Variants in PPP6R2 observed in about 807,000 individuals in gnomAD.
The protein encoded by PPP6R2 is protein phosphatase 6 regulatory subunit 2, also known as serine/threonine-protein phosphatase 6 regulatory subunit 2.
In PPP6R2, 62 loss-of-function variants were observed where a neutral mutation model predicts 100.2. The observed-to-expected ratio is 0.62, with a 90% CI of 0.50 to 0.76. The LOEUF is 0.76. Among genes scored for constraint, PPP6R2 ranks in the 30% least tolerant of loss-of-function variants. The pLI, the probability that PPP6R2 is intolerant of heterozygous loss-of-function variation, is 0.00. For missense variants in PPP6R2, 1,142 were observed against 1,276.3 expected (o/e 0.89, Z 1.60); for synonymous variants, 525 against 514.7 (o/e 1.02, Z -0.27).
chr22:50,418,752 A>G (rs1227778472), intron 6 of PPP6R2, 115 bp from the exon 7 acceptor site: 3 of 791,214 alleles, frequency 3.8e-6, no homozygotes, highest in African/African-American at 3.4e-5. Flanking sequence ...AACAACAACG[A>G]AAGTCTAGCA....
the PPP6R2 span, among the ~76,000 whole-genome samples, chr22:50,331,113 AT>A: frequency 6.6e-6 from 1 of 152,080 alleles, no homozygotes; most frequent in Non-Finnish European, 1.5e-5. Flanking sequence ...GCCTCACGTT[AT>A]GTTTTTGAGG....
At chr22:50,333,623 C>T in the PPP6R2 span, among the ~76,000 whole-genome samples, 5 of 152,316 alleles carry the variant, frequency 3.3e-5, no homozygotes, top group African/African-American at 9.6e-5. Context: ...TGAGCCACCG[C>T]GCCTGGCCCC....
the PPP6R2 span, among the ~76,000 whole-genome samples, chr22:50,331,446 C>T: frequency 1.3e-5 from 2 of 152,060 alleles, no homozygotes; most frequent in Non-Finnish European, 1.5e-5. Flanking sequence ...CCACATCCTC[C>T]CCAACGCTTA....
chr22:50,397,302 A>G (rs72490268), intron 3 of PPP6R2, among the ~76,000 whole-genome samples: 19,336 of 152,098 alleles, frequency 0.13, 1,563 homozygotes, highest in East Asian at 0.42. Flanking sequence ...TGAGTAAACA[A>G]TCCAGGTCAG....
intron 21 of PPP6R2, 159 bp from the exon 22 acceptor site, chr22:50,440,663 A>T: frequency 1.3e-6 from 1 of 783,428 alleles, no homozygotes; most frequent in Non-Finnish European, 2.1e-6. Flanking sequence ...CAGGTGCGTG[A>T]GCCTGTCTGC....
At position 50,423,785 on chromosome 22, in the gene PPP6R2, G is replaced by A. The variant is rs977349158; in HGVS notation, c.1125+171G>A. The stretch of plus-strand genomic sequence containing the variant: ...CTACAGGTCTCTGGCGGGGCACAGA[G>A]CAGCAGTGGGGTGTGTCTCAGCTGC... On this transcript the variant is annotated intron_variant, in intron 10 of 23. Transcript: ENST00000612753. The surrounding 1 kb of genome is among the most constrained non-coding windows in gnomAD (Gnocchi z 4.8). 6.6e-6 allele frequency among the ~76,000 whole-genome samples: 1 copy of A among 152,212 alleles called. No homozygotes were observed. The highest frequency in any genetic ancestry group is 2.4e-5 in the African/African-American group (1 of 41,458).
intron 4 of PPP6R2, among the ~76,000 whole-genome samples, chr22:50,413,970 C>T (rs2060127692): frequency 6.6e-6 from 1 of 152,254 alleles, no homozygotes; most frequent in Admixed American, 6.5e-5. Context: ...GTGATGGGTG[C>T]TGTGCCCCCC....
At chr22:50,340,424 G>A (rs1454131675), upstream of PPP6R2, among the ~76,000 whole-genome samples, 14 of 134,242 alleles carry the variant, frequency 1.0e-4, no homozygotes, top group Non-Finnish European at 2.3e-4. Flanking sequence ...GGTGTGTGTG[G>A]TGTGTGTGGT....
the PPP6R2 span, among the ~76,000 whole-genome samples, chr22:50,333,574 C>T: frequency 2.0e-5 from 3 of 152,096 alleles, no homozygotes; most frequent in East Asian, 1.9e-4. Context: ...CCTCGTGATC[C>T]GCCCACCTCG....
intron 2 of PPP6R2, among the ~76,000 whole-genome samples, chr22:50,385,846 C>T (rs1389440931): frequency 2.8e-5 from 2 of 72,084 alleles, no homozygotes; most frequent in Non-Finnish European, 4.7e-5. Flanking sequence ...TTTTTTGAGA[C>T]GGAGTCTTGC....
the PPP6R2 span, among the ~76,000 whole-genome samples, chr22:50,335,653 A>G: frequency 6.7e-6 from 1 of 149,726 alleles, no homozygotes; most frequent in Non-Finnish European, 1.5e-5. Flanking sequence ...GTGAGACTAC[A>G]GGTGCGCACC....
chr22:50,371,468 C>G (rs1442645824), intron 1 of PPP6R2, among the ~76,000 whole-genome samples: 2 of 151,610 alleles, frequency 1.3e-5, no homozygotes, highest in South Asian at 2.1e-4. Flanking sequence ...TGCTCTCCAC[C>G]CTGGGCAGCA....
chr22:50,340,455 GT>G (rs2042359918), upstream of PPP6R2, among the ~76,000 whole-genome samples: 1 of 143,008 alleles, frequency 7.0e-6, no homozygotes, highest in African/African-American at 2.6e-5. Flanking sequence ...TGTGGTGTGT[GT>G]GTGGTATGTG....
chr22:50,423,681 A>G lies in PPP6R2; in HGVS notation c.1125+67A>G. The G allele has an allele frequency of 6.3e-7, 1 of 1,578,078 alleles. No individual in the cohort carries two copies. Among genetic ancestry groups the G allele is most frequent in the South Asian group, 1.1e-5 (1 of 89,092 alleles). On this transcript the variant is annotated intron_variant, in intron 10 of 23. Transcript: ENST00000612753. The surrounding 1 kb of genome is among the most constrained non-coding windows in gnomAD (Gnocchi z 4.8). ...GCCGGGCATGGCCTGTGGACTTGTCAGGAGCAGCAGAGCAGGGCCCCAGCA... is the reference window on the plus strand; with the variant it reads ...GCCGGGCATGGCCTGTGGACTTGTCGGGAGCAGCAGAGCAGGGCCCCAGCA...
At chr22:50,425,922 A>G (rs889359991) in intron 10 of PPP6R2, among the ~76,000 whole-genome samples, 9 of 145,814 alleles carry the variant, frequency 6.2e-5, no homozygotes, top group African/African-American at 1.8e-4. Flanking sequence ...TATATTCTGG[A>G]TATTAATCCT....
intron 1 of PPP6R2, among the ~76,000 whole-genome samples, chr22:50,346,510 C>T (rs1417316315): frequency 8.9e-6 from 1 of 112,966 alleles, no homozygotes; most frequent in African/African-American, 3.5e-5. Flanking sequence ...TCAGTCAGTG[C>T]CCCCCCAGTC....
chr22:50,332,191 G>T, the PPP6R2 span, among the ~76,000 whole-genome samples: 17 of 151,600 alleles, frequency 1.1e-4, no homozygotes, highest in Non-Finnish European at 1.9e-4. Context: ...TTAACCTAAG[G>T]TCCTAAGTCA....
At chr22:50,414,453 A>G (rs1172688634) in intron 4 of PPP6R2, 99 bp from the exon 5 acceptor site, 2 of 1,352,180 alleles carry the variant, frequency 1.5e-6, no homozygotes, top group Non-Finnish European at 2.1e-6. Context: ...TCTGCTTAAT[A>G]TAATTACTAG....
chr22:50,434,824 G>A (rs1338858037), intron 12 of PPP6R2, 142 bp from the exon 13 acceptor site: 11 of 668,302 alleles, frequency 1.6e-5, no homozygotes, highest in Non-Finnish European at 2.4e-5. Flanking sequence ...CTGGAGGAGG[G>A]CCGGGGGCGC....
Sources: gnomAD v4.1 joint callset for allele counts (sites outside exome capture counted in the v4.1 genomes callset) on GRCh38, gnomAD v4.1.1 for gene constraint, Gnocchi (gnomAD v3.1) non-coding constraint, MANE v1.5 for transcripts, NCBI Gene and HGNC (gene_info 2026-07-23, HGNC 2026-07-21) for gene names.